Variants in CACNB1 observed in about 807,000 individuals in gnomAD.
The protein encoded by CACNB1 is calcium voltage-gated channel auxiliary subunit beta 1.
Under a neutral mutation model 71.6 loss-of-function variants are expected in CACNB1, and 29 were observed. That is an observed-to-expected ratio of 0.40 (90% confidence interval 0.30 to 0.55). The LOEUF (loss-of-function observed/expected upper bound fraction) is 0.55. Among genes scored for constraint, CACNB1 ranks in the 20% least tolerant of loss-of-function variants. The pLI is 0.38. For missense variants in CACNB1, 623 were observed against 801.8 expected, an observed-to-expected ratio of 0.78 and a Z score of 2.69; for synonymous variants, 300 against 319.6, an observed-to-expected ratio of 0.94 and a Z score of 0.65.
At position 39,184,122 on chromosome 17, in the gene CACNB1, C is replaced by T. The variant is rs1299192081; in HGVS notation, c.807G>A (p.Val269=). 1.4e-5 allele frequency: 22 copies of T among 1,611,888 alleles called. No homozygotes were observed. The Admixed American group carries it at 3.7e-4, about 27-fold the overall frequency. ...GCTTAGCCAGGGAAATATCTGCCGT[C>T]ACACGAGTGATGGAGATCCTGGGGA... The part of the protein sequence containing the change: ...RFDGRISITR[V]TADISLAKRS... Residue 269 remains valine (V), a synonymous_variant, in exon 10 of 14, where the codon GTG becomes GTA. Coordinates refer to ENST00000394303, the MANE Select transcript of CACNB1 (RefSeq NM_000723.5).
At chr17:39,184,686 G>A (rs1460391226) in intron 8 of CACNB1, 98 bp downstream of exon 8, 13 of 885,738 alleles carry the variant, frequency 1.5e-5, no homozygotes, top group Non-Finnish European at 2.3e-5. Context: ...GCCCTCCTGG[G>A]AGGATGCCTT....
intron 11 of CACNB1, among the ~76,000 whole-genome samples, chr17:39,181,333 A>G (rs2045755182): frequency 6.6e-6 from 1 of 152,124 alleles, no homozygotes; most frequent in African/African-American, 2.4e-5. Flanking sequence ...AGCTCAGGCA[A>G]TCCGCCGGCC....
Position 39,186,255 on chromosome 17 carries a change from A to T in CACNB1, c.628+241T>A. 1 of 684,332 alleles carries T rather than the reference A, an allele frequency of 1.5e-6. No homozygotes were observed. The highest frequency in any genetic ancestry group is 2.5e-6 in the Non-Finnish European group (1 of 397,814). The allele number at this position is 684,332 out of a possible 1,614,324, so 42.4% of individuals were successfully genotyped here. A position where few individuals can be genotyped will look rare whatever the true frequency, so the allele number is the denominator to read the frequency against. ...AATGGAACAGGGCTGGGAGAAATGAATGGGGGCAGGGCAGGGGAATCAGGC... is the reference window on the plus strand; with the variant it reads ...AATGGAACAGGGCTGGGAGAAATGATTGGGGGCAGGGCAGGGGAATCAGGC... On this transcript the variant is annotated intron_variant, in intron 6 of 13. Coordinates refer to ENST00000394303, the MANE Select transcript of CACNB1 (RefSeq NM_000723.5). This position sits in a 1 kb window ranked among gnomAD's most constrained non-coding sequence, Gnocchi z 4.1.
intron 3 of CACNB1, among the ~76,000 whole-genome samples, chr17:39,189,584 T>C (rs1224405967): frequency 6.6e-6 from 1 of 150,472 alleles, no homozygotes; most frequent in Non-Finnish European, 1.5e-5. Context: ...CTGCAACCTC[T>C]GCCTCCTTGG....
rs974750989 is a variant in CACNB1, at chr17:39,177,583, C to T, written c.1147-48G>A. On this transcript the variant is annotated intron_variant, in intron 12 of 13. Coordinates refer to ENST00000394303, the MANE Select transcript of CACNB1 (RefSeq NM_000723.5). ...CAGGGCTGGGATGAGTGGGGCATGG[C>T]CAAGGGGGTTGAGGGTGTGGCCTGG... is the stretch of plus-strand genomic sequence containing the variant. 5 of 1,492,458 alleles carry T rather than the reference C, an allele frequency of 3.4e-6. No individual in the cohort carries two copies. In the African/African-American group the frequency reaches 6.9e-5, roughly 20 times the overall value. 92.5% of individuals were successfully genotyped at this position (1,492,458 alleles called of 1,614,324 possible). A position where few individuals can be genotyped will look rare whatever the true frequency, so the allele number is the denominator to read the frequency against.
intron 1 of CACNB1, 55 bp from the exon 2 acceptor site, chr17:39,195,025 C>A: frequency 8.0e-7 from 1 of 1,254,094 alleles, no homozygotes; most frequent in South Asian, 1.3e-5. Context: ...TTTCCCAACC[C>A]TCATCTTGCC....
Position 39,175,800 on chromosome 17 carries a change from C to A in CACNB1, c.1333-143G>T. ...GGCTCTAGAGGAGGGGCCCCGGGGACAAACGGCTCTGGAGCCCAGCCAGAG... is the reference window on the plus strand; with the variant it reads ...GGCTCTAGAGGAGGGGCCCCGGGGAAAAACGGCTCTGGAGCCCAGCCAGAG... On this transcript the variant is annotated intron_variant, in intron 13 of 13. Coordinates refer to ENST00000394303, the MANE Select transcript of CACNB1 (RefSeq NM_000723.5). The surrounding 1 kb of genome is among the most constrained non-coding windows in gnomAD (Gnocchi z 4.7). 3 of 663,202 alleles carry A rather than the reference C, an allele frequency of 4.5e-6. No homozygotes were observed. The highest frequency in any genetic ancestry group is 5.0e-6 in the Non-Finnish European group (2 of 399,572). 41.1% of individuals were successfully genotyped at this position (663,202 alleles called of 1,614,324 possible).
chr17:39,197,525 C>A lies in CACNB1; in HGVS notation c.-30G>T. ...AGGAGCCTCCCCTCCCGCCGCCGGC[C>A]CGGCCCAGCCGGGCTCCCTCAGCGC... On this transcript the variant is annotated 5_prime_UTR_variant, in exon 1 of 14. Coordinates refer to ENST00000394303, the MANE Select transcript of CACNB1 (RefSeq NM_000723.5). The A allele has an allele frequency of 6.8e-7, 1 of 1,468,240 alleles. No homozygotes were observed. The highest frequency in any genetic ancestry group is 9.1e-7 in the Non-Finnish European group (1 of 1,104,452). The allele number at this position is 1,468,240 out of a possible 1,614,324, so 91.0% of individuals were successfully genotyped here. A position where few individuals can be genotyped will look rare whatever the true frequency, so the allele number is the denominator to read the frequency against.
At chr17:39,190,359 G>A (rs751702792) in intron 3 of CACNB1, among the ~76,000 whole-genome samples, 3 of 152,120 alleles carry the variant, frequency 2.0e-5, no homozygotes, top group Non-Finnish European at 2.9e-5. Flanking sequence ...CTGTGATCAC[G>A]CCGCTACACT....
Position 39,187,054 on chromosome 17 carries a change from CCCCAG to C in CACNB1, c.415-130_415-126del, listed in dbSNP as rs2045959209. 3 of 1,002,596 alleles carry C rather than the reference CCCCAG, an allele frequency of 3.0e-6. No homozygotes were observed. The East Asian group carries it at 7.8e-5, about 26-fold the overall frequency. 62.1% of individuals were successfully genotyped at this position (1,002,596 alleles called of 1,614,324 possible). A position where few individuals can be genotyped will look rare whatever the true frequency, so the allele number is the denominator to read the frequency against. ...GCCCAGGGGTGGCACCCTCAAAAAT[CCCCAG>C]CCCTGGCTCCAGCCTCTGAGTGGAG... On this transcript the variant is annotated intron_variant, in intron 4 of 13. Coordinates refer to ENST00000394303, the MANE Select transcript of CACNB1 (RefSeq NM_000723.5).
In CACNB1 at chr17:39,197,481, G is replaced by GTC; in HGVS notation, c.14_15insGA (p.Ser6ThrfsTer77). ...GTGGGTAAGGGCCCCGGGACATGCT[G>GTC]GTCTTCTGGACCATGGAGAGGAGCC... On this transcript the variant is annotated frameshift_variant, in exon 1 of 14. Transcript: ENST00000394303. LOFTEE classifies it high-confidence loss of function. 2.7e-6 allele frequency: 4 copies of GTC among 1,494,342 alleles called. No homozygotes were observed. The highest frequency in any genetic ancestry group is 3.6e-6 in the Non-Finnish European group (4 of 1,124,784). 92.6% of individuals were successfully genotyped at this position (1,494,342 alleles called of 1,614,324 possible). A position where few individuals can be genotyped will look rare whatever the true frequency, so the allele number is the denominator to read the frequency against.
intron 13 of CACNB1, 42 bp downstream of exon 13, chr17:39,177,308 C>G: frequency 6.2e-7 from 1 of 1,611,564 alleles, no homozygotes; most frequent in Non-Finnish European, 8.5e-7. Flanking sequence ...CCAGCCCGCC[C>G]CAGAAGCCGA....
chr17:39,182,150 A>G, intron 11 of CACNB1, among the ~76,000 whole-genome samples: 1 of 135,826 alleles, frequency 7.4e-6, no homozygotes. Flanking sequence ...ACAGAGTGAG[A>G]CTCCTTCTCA....
Position 39,184,867 on chromosome 17 carries a change from G to A in CACNB1, c.649-3C>T, listed in dbSNP as rs561555595. 8.1e-5 allele frequency: 124 copies of A among 1,529,398 alleles called. No homozygotes were observed. Among genetic ancestry groups the A allele is most frequent in the South Asian group, 2.6e-4 (23 of 89,390 alleles). 94.7% of individuals were successfully genotyped at this position (1,529,398 alleles called of 1,614,324 possible). On this transcript the variant is annotated splice_polypyrimidine_tract_variant and splice_region_variant and intron_variant, in intron 7 of 13. Transcript: ENST00000394303. ...TCATAGGGGGGCACATGCTCTGTCT[G>A]GGGGGGGAAGCAGGGAGGGGAAACC...
intron 11 of CACNB1, among the ~76,000 whole-genome samples, chr17:39,179,683 G>C (rs1002621362): frequency 6.6e-6 from 1 of 151,990 alleles, no homozygotes. Flanking sequence ...TGGATCACCT[G>C]AGGCCAGGAG....
rs563360467 is a variant in CACNB1 at position 39,177,254 on chromosome 17, A to G, written c.1332+96T>C. ...ACGGGCAGGGCGCCCACTACATGGC[A>G]TGTTCCTGCTCCTGGGGCACCACAC... is the stretch of plus-strand genomic sequence containing the variant. On this transcript the variant is annotated intron_variant, in intron 13 of 13. Transcript: ENST00000394303. The G allele has an allele frequency of 5.6e-6, 9 of 1,597,376 alleles. No homozygotes were observed. In the South Asian group the frequency reaches 9.0e-5, roughly 16 times the overall value.
At chr17:39,187,346 G>T in intron 4 of CACNB1, 133 bp downstream of exon 4, 2 of 981,352 alleles carry the variant, frequency 2.0e-6, no homozygotes, top group Non-Finnish European at 1.5e-6. Flanking sequence ...GGCTCAGAGA[G>T]GTGGAGAGAT....
In CACNB1 at chr17:39,175,694, A is replaced by G; in HGVS notation, c.1333-37T>C. 6.9e-7 allele frequency: 1 copy of G among 1,457,624 alleles called. No individual in the cohort carries two copies. The highest frequency in any genetic ancestry group is 9.3e-7 in the Non-Finnish European group (1 of 1,078,452). The allele number at this position is 1,457,624 out of a possible 1,614,324, so 90.3% of individuals were successfully genotyped here. On this transcript the variant is annotated intron_variant, in intron 13 of 13. Coordinates refer to ENST00000394303, the MANE Select transcript of CACNB1 (RefSeq NM_000723.5). The surrounding 1 kb of genome is among the most constrained non-coding windows in gnomAD (Gnocchi z 4.7). ...ACGGACAGCACACACCATGCAGATC[A>G]GGCAGGGGTGAGAAAAACACAACAA...
intron 12 of CACNB1, 40 bp from the exon 13 acceptor site, chr17:39,177,575 G>A: frequency 6.6e-7 from 1 of 1,525,112 alleles, no homozygotes. Flanking sequence ...GGGATGAGTG[G>A]GGCATGGCCA....
Sources: allele counts gnomAD v4.1 joint callset (sites outside exome capture counted in the v4.1 genomes callset), GRCh38; gene constraint gnomAD v4.1.1; non-coding constraint Gnocchi (gnomAD v3.1); transcripts MANE v1.5; gene names NCBI Gene and HGNC (gene_info 2026-07-23, HGNC 2026-07-21).